AHCY: variants seen among roughly 807,000 people sequenced by gnomAD.
AHCY encodes adenosylhomocysteinase.
In AHCY, 24 loss-of-function variants were observed where a neutral mutation model predicts 45.4. That is an observed-to-expected ratio of 0.53 (90% CI 0.38 to 0.74). AHCY has a LOEUF of 0.74. AHCY is among the 30% of genes least tolerant of loss of function. The pLI, the probability that AHCY is intolerant of heterozygous loss-of-function variation, is 0.00. For missense variants in AHCY, 449 were observed against 594.1 expected, an observed-to-expected ratio of 0.76 and a Z score of 2.54; for synonymous variants, 245 against 235.1, an observed-to-expected ratio of 1.04 and a Z score of -0.39.
At chr20:34,306,169 C>T (rs1040187185), upstream of AHCY, among the ~76,000 whole-genome samples, 3 of 151,418 alleles carry the variant, frequency 2.0e-5, no homozygotes, top group African/African-American at 4.8e-5. Context: ...CACTGTATAT[C>T]GTGCTTTGAG....
At chr20:34,260,343 C>T in the AHCY span, 1 of 1,600,524 alleles carries the variant, frequency 6.2e-7, no homozygotes, top group East Asian at 2.2e-5. Context: ...ACCCACCTGA[C>T]CACCTTCTCT....
the AHCY span, among the ~76,000 whole-genome samples, chr20:34,232,910 G>T: frequency 6.6e-6 from 1 of 152,144 alleles, no homozygotes; most frequent in African/African-American, 2.4e-5. Flanking sequence ...CTATTTGCCA[G>T]GTTGCAGTGC....
upstream of AHCY, among the ~76,000 whole-genome samples, chr20:34,305,762 G>A (rs1018872926): frequency 5.3e-5 from 8 of 152,092 alleles, no homozygotes; most frequent in African/African-American, 1.9e-4. Flanking sequence ...TAAAATTTGA[G>A]AAAACAATGA....
the AHCY span, chr20:34,246,400 A>G: frequency 7.2e-7 from 1 of 1,381,256 alleles, no homozygotes; most frequent in Non-Finnish European, 1.0e-6. Context: ...GAGCAACATC[A>G]GGCATATATT....
chr20:34,308,713 G>T (rs906600987), intron 1 of AHCY, among the ~76,000 whole-genome samples: 1 of 151,262 alleles, frequency 6.6e-6, no homozygotes. Flanking sequence ...GGGTGCAGTG[G>T]TGCGATCTCT....
Position 34,303,328 on chromosome 20 carries a change from G to C in AHCY, c.-58C>G. The C allele has an allele frequency of 6.4e-7, 1 of 1,550,796 alleles. No homozygotes were observed. The highest frequency in any genetic ancestry group is 8.7e-7 in the Non-Finnish European group (1 of 1,146,174). On this transcript the variant is annotated 5_prime_UTR_variant, in exon 1 of 10. Coordinates refer to ENST00000217426, the MANE Select transcript of AHCY (RefSeq NM_000687.4). ...GGGGCTGGGCCTCAGTCTGGGAACA[G>C]GAACTGGGCGGGCAGCGCCGAGCAG...
chr20:34,275,860 AT>A (rs890670977), downstream of AHCY, among the ~76,000 whole-genome samples: 14 of 141,114 alleles, frequency 9.9e-5, no homozygotes, highest in South Asian at 2.3e-4. Context: ...TTTTTATTCT[AT>A]TTTTTTTTTA....
At position 34,281,097 on chromosome 20, in the gene AHCY, C is replaced by A; in HGVS notation, c.1236G>T (p.Lys412Asn). 6.2e-7 allele frequency: 1 copy of A among 1,614,140 alleles called. No homozygotes were observed. The highest frequency in any genetic ancestry group is 8.5e-7 in the Non-Finnish European group (1 of 1,180,036). Reference sequence around the variant, plus strand: ...AGGACATGCCCAGGTACTGGGCTTGCTTCTCAGTTAGCTTGGTCAACTTCA... The same window carrying A: ...AGGACATGCCCAGGTACTGGGCTTGATTCTCAGTTAGCTTGGTCAACTTCA... Reference protein sequence around the residue: ...LNVKLTKLTEKQAQYLGMSCD... With the variant: ...LNVKLTKLTENQAQYLGMSCD... Residue 412 changes from lysine to asparagine, a missense_variant, in exon 10 of 10, where the codon AAG becomes AAT. Coordinates refer to ENST00000217426, the MANE Select transcript of AHCY (RefSeq NM_000687.4).
chr20:34,255,938 T>C, the AHCY span, among the ~76,000 whole-genome samples: 1 of 152,134 alleles, frequency 6.6e-6, no homozygotes, highest in Non-Finnish European at 1.5e-5. Context: ...CCACCACCTC[T>C]TGTGGAAGGC....
intron 1 of AHCY, among the ~76,000 whole-genome samples, chr20:34,309,493 C>A (rs867793850): frequency 6.6e-6 from 1 of 152,178 alleles, no homozygotes; most frequent in Non-Finnish European, 1.5e-5. Context: ...AACAGCAAGA[C>A]CTCCTCTCTT....
chr20:34,244,181 A>G, the AHCY span, among the ~76,000 whole-genome samples: 5 of 152,188 alleles, frequency 3.3e-5, no homozygotes, highest in Admixed American at 2.6e-4. Context: ...TAGAACAAAC[A>G]CCGCAAGTCT....
chr20:34,232,450 A>G, the AHCY span, among the ~76,000 whole-genome samples: 8 of 152,248 alleles, frequency 5.3e-5, no homozygotes, highest in South Asian at 1.7e-3. Flanking sequence ...TTGGAACCAA[A>G]TCCGTCCAAT....
the AHCY span, chr20:34,268,920 C>G: frequency 6.5e-7 from 1 of 1,526,950 alleles, no homozygotes. Context: ...GCCCGAGGAG[C>G]TCCCAGGCAG....
Position 34,290,115 on chromosome 20 carries a change from A to T in AHCY, c.972+217T>A, listed in dbSNP as rs1156580391. The stretch of plus-strand genomic sequence containing the variant: ...TAGCTAGAGTGATCTTTCTAAAACT[A>T]CAGCCTCACCACATACAGCTCACCT... On this transcript the variant is annotated intron_variant, in intron 8 of 9. Coordinates refer to ENST00000217426, the MANE Select transcript of AHCY (RefSeq NM_000687.4). This position sits in a 1 kb window ranked among gnomAD's most constrained non-coding sequence, Gnocchi z 4.5. Among the ~76,000 whole-genome samples, 1 of 152,186 alleles carries T rather than the reference A, an allele frequency of 6.6e-6. No homozygotes were observed. Among genetic ancestry groups the T allele is most frequent in the African/African-American group, 2.4e-5 (1 of 41,434 alleles).
chr20:34,253,740 G>A, the AHCY span, among the ~76,000 whole-genome samples: 2 of 152,100 alleles, frequency 1.3e-5, no homozygotes, highest in Non-Finnish European at 2.9e-5. Context: ...CAAAGTGCTG[G>A]GCTTATAGGC....
the AHCY span, among the ~76,000 whole-genome samples, chr20:34,252,201 A>G: frequency 6.6e-6 from 1 of 152,240 alleles, no homozygotes; most frequent in African/African-American, 2.4e-5. Context: ...GAGACAAAGT[A>G]TAGAGAAAGA....
At chr20:34,264,077 G>C in the AHCY span, among the ~76,000 whole-genome samples, 1 of 152,056 alleles carries the variant, frequency 6.6e-6, no homozygotes, top group Admixed American at 6.6e-5. Context: ...TGTCATTAAT[G>C]CATAAAATAT....
the AHCY span, among the ~76,000 whole-genome samples, chr20:34,236,749 G>A: frequency 6.6e-6 from 1 of 152,120 alleles, no homozygotes; most frequent in African/African-American, 2.4e-5. Flanking sequence ...GTGCTGATAC[G>A]AAGGCAGCTG....
intron 3 of AHCY, 156 bp downstream of exon 3, chr20:34,293,925 C>A: frequency 1.3e-6 from 1 of 761,070 alleles, no homozygotes; most frequent in South Asian, 1.5e-5. Context: ...TGGGACAAAG[C>A]AGCTCTTTCC....
Sources: allele counts gnomAD v4.1 joint callset (sites outside exome capture counted in the v4.1 genomes callset), GRCh38; gene constraint gnomAD v4.1.1; non-coding constraint Gnocchi (gnomAD v3.1); transcripts MANE v1.5; gene names NCBI Gene and HGNC (gene_info 2026-07-23, HGNC 2026-07-21).